EPHA3: variants seen among roughly 807,000 people sequenced by gnomAD.
EPHA3 encodes the protein EPH receptor A3.
EPHA3 carries 42 observed loss-of-function variants against 107.1 expected under a neutral mutation model. The observed-to-expected ratio is 0.39, with a 90% CI of 0.31 to 0.51. The LOEUF is 0.51. EPHA3 is among the 20% of genes least tolerant of loss of function. The probability of loss-of-function intolerance (pLI) is 0.78; values close to 1 mark genes in which losing one functional copy is unlikely to be tolerated. For missense variants in EPHA3, 1,183 were observed against 1,211.2 expected, an observed-to-expected ratio of 0.98 and a Z score of 0.35; for synonymous variants, 461 against 424.8, an observed-to-expected ratio of 1.09 and a Z score of -1.05.
rs757132611 is a variant in EPHA3, at chr3:89,399,310, C to T, written c.1432-8C>T. 8.2e-6 allele frequency: 13 copies of T among 1,582,776 alleles called. No homozygotes were observed. The highest frequency in any genetic ancestry group is 1.7e-5 in the Admixed American group (1 of 57,624). ...TTTTAACATGAATTTTTTTTTCTGA[C>T]CTCAAAGCAGGAACAAGAAACAAGT... On this transcript the variant is annotated splice_region_variant and splice_polypyrimidine_tract_variant and intron_variant, in intron 6 of 16. Transcript: ENST00000336596.
rs114595849 is a variant in EPHA3 at position 89,381,283 on chromosome 3, T to C, written c.1307-14554T>C. Among the ~76,000 whole-genome samples, 159 of 151,934 alleles carry C rather than the reference T, an allele frequency of 1.0e-3. 1 individual carries two copies. Among genetic ancestry groups the C allele is most frequent in the African/African-American group, 3.7e-3 (153 of 41,516 alleles). On this transcript the variant is annotated intron_variant, in intron 5 of 16. Coordinates refer to ENST00000336596, the MANE Select transcript of EPHA3 (RefSeq NM_005233.6). ...CACCGCGCCCGGCCTATAGGCTGGT[T>C]TTAAACCTGTGTATAAGTTAAACAT...
chr3:89,468,693 A>G (rs1221997147), intron 15 of EPHA3, among the ~76,000 whole-genome samples: 4 of 152,122 alleles, frequency 2.6e-5, no homozygotes, highest in African/African-American at 4.8e-5. Flanking sequence ...AAATCTTCTC[A>G]CACCTGATTT....
At chr3:89,436,819 G>GC (rs1413513475) in intron 13 of EPHA3, among the ~76,000 whole-genome samples, 2 of 152,048 alleles carry the variant, frequency 1.3e-5, no homozygotes, top group Non-Finnish European at 2.9e-5. Context: ...TCGACAGCAT[G>GC]CCGGATATGA....
intron 3 of EPHA3, among the ~76,000 whole-genome samples, chr3:89,215,881 A>G (rs1420025863): frequency 1.3e-5 from 2 of 151,916 alleles, no homozygotes; most frequent in African/African-American, 2.4e-5. Flanking sequence ...CCAACCTAAA[A>G]GATGATTTTA....
intron 1 of EPHA3, among the ~76,000 whole-genome samples, chr3:89,124,911 A>G (rs1163138440): frequency 6.6e-6 from 1 of 151,940 alleles, no homozygotes; most frequent in Non-Finnish European, 1.5e-5. Flanking sequence ...GGTCTAACCT[A>G]TTTTGGTTTA....
intron 5 of EPHA3, among the ~76,000 whole-genome samples, chr3:89,350,690 G>GCTC (rs1244201456): frequency 6.6e-6 from 1 of 150,492 alleles, no homozygotes; most frequent in African/African-American, 2.4e-5. Flanking sequence ...GAGGAGAGGC[G>GCTC]CTCTGCGTTT....
chr3:89,332,298 A>T (rs541756371), intron 3 of EPHA3, among the ~76,000 whole-genome samples: 4 of 152,320 alleles, frequency 2.6e-5, no homozygotes, highest in Non-Finnish European at 4.4e-5. Context: ...CATTGGACAT[A>T]TTTTAGTGTT....
At chr3:89,214,990 G>A (rs891146272) in intron 3 of EPHA3, among the ~76,000 whole-genome samples, 4 of 151,838 alleles carry the variant, frequency 2.6e-5, no homozygotes, top group African/African-American at 7.2e-5. Flanking sequence ...TATAAAAGAC[G>A]AGTTTAGTTA....
intron 3 of EPHA3, among the ~76,000 whole-genome samples, chr3:89,319,248 T>C (rs1284733977): frequency 6.6e-6 from 1 of 151,840 alleles, no homozygotes; most frequent in East Asian, 1.9e-4. Flanking sequence ...AGAAGAGAAG[T>C]AGGAGCAGAG....
chr3:89,170,852 G>T (rs978181069), intron 2 of EPHA3, among the ~76,000 whole-genome samples: 4 of 151,944 alleles, frequency 2.6e-5, no homozygotes, highest in African/African-American at 9.7e-5. Context: ...ATATTACCTA[G>T]AATTAAGTTC....
chr3:89,133,980 G>T (rs1432264433), intron 2 of EPHA3, among the ~76,000 whole-genome samples: 7 of 151,660 alleles, frequency 4.6e-5, no homozygotes, highest in Admixed American at 3.9e-4. Flanking sequence ...ATCGAGAAAT[G>T]GTTCACTGTT....
At chr3:89,144,855 C>A (rs1704501826) in intron 2 of EPHA3, among the ~76,000 whole-genome samples, 2 of 151,486 alleles carry the variant, frequency 1.3e-5, no homozygotes, top group African/African-American at 4.8e-5. Flanking sequence ...GGAAAAAAGT[C>A]CAGAATAGGC....
At chr3:89,143,575 G>T (rs1704476182) in intron 2 of EPHA3, among the ~76,000 whole-genome samples, 1 of 151,428 alleles carries the variant, frequency 6.6e-6, no homozygotes. Flanking sequence ...GTATAATGCG[G>T]GTTTTAAAAA....
At chr3:89,198,132 G>A (rs1486566628) in intron 2 of EPHA3, among the ~76,000 whole-genome samples, 1 of 152,078 alleles carries the variant, frequency 6.6e-6, no homozygotes, top group African/African-American at 2.4e-5. Flanking sequence ...TCCAGCAAGT[G>A]AAAAGGAATA....
intron 15 of EPHA3, among the ~76,000 whole-genome samples, chr3:89,470,890 A>T (rs1211308205): frequency 2.0e-5 from 3 of 152,186 alleles, no homozygotes; most frequent in Admixed American, 1.3e-4. Context: ...AGTGCCTAAC[A>T]GGTACTGTAA....
At chr3:89,238,399 A>G (rs1011522510) in intron 3 of EPHA3, among the ~76,000 whole-genome samples, 2 of 152,210 alleles carry the variant, frequency 1.3e-5, no homozygotes, top group South Asian at 2.1e-4. Flanking sequence ...TTGAAATCTC[A>G]TAGAGGTATG....
intron 15 of EPHA3, among the ~76,000 whole-genome samples, chr3:89,468,500 G>T (rs1314188163): frequency 6.6e-6 from 1 of 152,072 alleles, no homozygotes; most frequent in Non-Finnish European, 1.5e-5. Flanking sequence ...ATGTCCTGGG[G>T]TTTGATTCTT....
At chr3:89,388,371 T>C (rs1298794675) in intron 5 of EPHA3, among the ~76,000 whole-genome samples, 2 of 152,022 alleles carry the variant, frequency 1.3e-5, no homozygotes, top group Admixed American at 1.3e-4. Flanking sequence ...TACAACACAA[T>C]GCAGTCAGAT....
At chr3:89,433,057 T>A (rs1338804170) in intron 13 of EPHA3, among the ~76,000 whole-genome samples, 1 of 152,178 alleles carries the variant, frequency 6.6e-6, no homozygotes, top group East Asian at 1.9e-4. Context: ...CTATTTTGTG[T>A]CTGTCCATGA....
Sources: gnomAD v4.1 joint callset for allele counts (sites outside exome capture counted in the v4.1 genomes callset) on GRCh38, gnomAD v4.1.1 for gene constraint, MANE v1.5 for transcripts, NCBI Gene and HGNC (gene_info 2026-07-23, HGNC 2026-07-21) for gene names.